The following FOXN3 variants were observed in gnomAD, a reference collection of about 807,000 sequenced individuals.
FOXN3 encodes forkhead box N3.
Under a neutral mutation model 38.4 loss-of-function variants are expected in FOXN3, and 7 were observed. The observed-to-expected ratio is 0.18, with a 90% confidence interval of 0.10 to 0.34. The LOEUF is 0.34. FOXN3 is among the 10% of genes least tolerant of loss of function. The pLI is 1.00. For missense variants in FOXN3, 456 were observed against 613.4 expected, an observed-to-expected ratio of 0.74 and a Z score of 2.71; for synonymous variants, 230 against 242.2, an observed-to-expected ratio of 0.95 and a Z score of 0.47.
chr14:89,517,338 G>A (rs1025079344), intron 1 of FOXN3, among the ~76,000 whole-genome samples: 1 of 128,462 alleles, frequency 7.8e-6, no homozygotes, highest in Non-Finnish European at 1.6e-5. Context: ...CTGGGCGACA[G>A]AAAGAGACCC....
intron 1 of FOXN3, among the ~76,000 whole-genome samples, chr14:89,545,327 A>G (rs767164290): frequency 6.6e-6 from 1 of 152,250 alleles, no homozygotes; most frequent in Non-Finnish European, 1.5e-5. Context: ...TACGGGGGCC[A>G]CCAGAGGAGA....
At chr14:89,477,841 A>C (rs1471949335) in intron 1 of FOXN3, among the ~76,000 whole-genome samples, 1 of 152,092 alleles carries the variant, frequency 6.6e-6, no homozygotes, top group Non-Finnish European at 1.5e-5. Context: ...TTTTATGGCA[A>C]TCGTGATAAT....
intron 2 of FOXN3, among the ~76,000 whole-genome samples, chr14:89,404,284 C>G (rs1891327646): frequency 6.6e-6 from 1 of 151,598 alleles, no homozygotes; most frequent in African/African-American, 2.4e-5. Context: ...CCGAGGCGGG[C>G]AGATCACAAG....
chr14:89,190,027 C>T (rs574954914), intron 4 of FOXN3, among the ~76,000 whole-genome samples: 6 of 152,304 alleles, frequency 3.9e-5, no homozygotes, highest in African/African-American at 1.2e-4. Flanking sequence ...GTTAAGTTGA[C>T]CCCATGTAGC....
intron 2 of FOXN3, among the ~76,000 whole-genome samples, chr14:89,352,316 A>C (rs1462849442): frequency 6.6e-6 from 1 of 152,100 alleles, no homozygotes; most frequent in African/African-American, 2.4e-5. Flanking sequence ...GTTCAGGGGG[A>C]GCAGTGAGAC....
chr14:89,188,577 A>G (rs1428827821), intron 4 of FOXN3, among the ~76,000 whole-genome samples: 22 of 152,214 alleles, frequency 1.4e-4, no homozygotes, highest in Admixed American at 1.4e-3. Flanking sequence ...AGCTGGCCCC[A>G]TATAGCCTCT....
intron 1 of FOXN3, among the ~76,000 whole-genome samples, chr14:89,616,801 AAAGT>A (rs2139963208): frequency 6.6e-6 from 1 of 152,342 alleles, no homozygotes; most frequent in East Asian, 1.9e-4. Context: ...AGCAAAATGC[AAAGT>A]AAGCCTGGGG....
chr14:89,460,468 A>G (rs965628194), intron 1 of FOXN3, among the ~76,000 whole-genome samples: 2 of 152,236 alleles, frequency 1.3e-5, no homozygotes, highest in Non-Finnish European at 2.9e-5. Context: ...AAACACCGTC[A>G]GAGTGCACAG....
chr14:89,522,568 A>G (rs999397361), intron 1 of FOXN3, among the ~76,000 whole-genome samples: 1 of 152,186 alleles, frequency 6.6e-6, no homozygotes, highest in African/African-American at 2.4e-5. Context: ...GTATAGAAGT[A>G]AAACATATGT....
At chr14:89,317,531 G>A (rs1404341907) in intron 3 of FOXN3, among the ~76,000 whole-genome samples, 2 of 152,118 alleles carry the variant, frequency 1.3e-5, no homozygotes, top group African/African-American at 4.8e-5. Flanking sequence ...GTCACCTGAG[G>A]GAAAGGCAAA....
intron 1 of FOXN3, among the ~76,000 whole-genome samples, chr14:89,514,539 T>A (rs1449836361): frequency 6.6e-6 from 1 of 152,192 alleles, no homozygotes; most frequent in Non-Finnish European, 1.5e-5. Context: ...ACAGACATCA[T>A]CTACCGTAAC....
At chr14:89,612,508 T>C (rs925251970) in intron 1 of FOXN3, among the ~76,000 whole-genome samples, 9 of 152,154 alleles carry the variant, frequency 5.9e-5, no homozygotes, top group Admixed American at 5.9e-4. Context: ...CAAGAGCTCT[T>C]AAACTGGCTG....
At chr14:89,266,390 T>G (rs947819156) in intron 4 of FOXN3, among the ~76,000 whole-genome samples, 1 of 152,146 alleles carries the variant, frequency 6.6e-6, no homozygotes, top group South Asian at 2.1e-4. Flanking sequence ...ATGTCCTCAT[T>G]TCATCTTAAT....
intron 1 of FOXN3, among the ~76,000 whole-genome samples, chr14:89,478,707 G>A (rs568471636): frequency 2.0e-5 from 3 of 151,920 alleles, no homozygotes; most frequent in East Asian, 1.9e-4. Context: ...CGAGGCAGGC[G>A]GATCACTTGA....
chr14:89,516,559 GTTTTTTT>G (rs546187742), intron 1 of FOXN3, among the ~76,000 whole-genome samples: 2 of 129,632 alleles, frequency 1.5e-5, no homozygotes, highest in Non-Finnish European at 1.6e-5. Flanking sequence ...GCTGCCAGTA[GTTTTTTT>G]TTTTTTTTTT....
At chr14:89,326,213 T>C (rs545030155) in intron 3 of FOXN3, among the ~76,000 whole-genome samples, 78 of 152,308 alleles carry the variant, frequency 5.1e-4, no homozygotes, top group African/African-American at 1.9e-3. Context: ...TTATAGGTGC[T>C]GTCAAAGAAA....
intron 3 of FOXN3, among the ~76,000 whole-genome samples, chr14:89,334,503 G>A (rs888069738): frequency 1.7e-4 from 25 of 151,332 alleles, no homozygotes; most frequent in Admixed American, 4.0e-4. Flanking sequence ...TCAGCTATTC[G>A]AGAGGCTGGA....
intron 1 of FOXN3, among the ~76,000 whole-genome samples, chr14:89,450,959 T>C (rs1004851566): frequency 2.0e-5 from 3 of 152,206 alleles, no homozygotes; most frequent in Non-Finnish European, 4.4e-5. Context: ...TAGGTATCCA[T>C]GGGACACCTA....
chr14:89,595,296 G>A (rs1896035704), intron 1 of FOXN3, among the ~76,000 whole-genome samples: 1 of 151,880 alleles, frequency 6.6e-6, no homozygotes, highest in Admixed American at 6.6e-5. Context: ...CTGCACTCCA[G>A]CCTGGGCAAT....
Sources: allele counts gnomAD v4.1 joint callset (sites outside exome capture counted in the v4.1 genomes callset), GRCh38; gene constraint gnomAD v4.1.1; transcripts MANE v1.5; gene names NCBI Gene and HGNC (gene_info 2026-07-23, HGNC 2026-07-21).